ARHGAP12: variants seen among roughly 807,000 people sequenced by gnomAD.
ARHGAP12 encodes rho GTPase-activating protein 12.
A neutral mutation model predicts 108.6 loss-of-function variants in ARHGAP12; 64 were observed. The ratio of observed to expected loss-of-function variants is 0.59; its 90% CI spans 0.48 to 0.73. The LOEUF is 0.73. Ranked by LOEUF, ARHGAP12 falls within the 30% of genes least tolerant of loss-of-function variation. The pLI is 0.00. For synonymous variants in ARHGAP12, 312 were observed against 337.2 expected, an observed-to-expected ratio of 0.93 and a Z score of 0.82; for missense variants, 940 against 1,005.9, an observed-to-expected ratio of 0.93 and a Z score of 0.89.
chr10:31,834,614 A>G, intron 9 of ARHGAP12, among the ~76,000 whole-genome samples: 1 of 152,116 alleles, frequency 6.6e-6, no homozygotes, highest in Non-Finnish European at 1.5e-5. Context: ...TGTATTTTTT[A>G]TTACTTTTAT....
chr10:31,812,783 T>A lies in ARHGAP12; in HGVS notation c.1875A>T (p.Lys625Asn), dbSNP rs753254232. ...VSSIDSSEQKKTKKNLKKFLT... is the reference protein window; with the variant it reads ...VSSIDSSEQKNTKKNLKKFLT... Reference sequence around the variant, plus strand: ...GAAACTTCTTTAAGTTTTTCTTGGTTTTTTTCTGTTCTGAAGAATCTATGC... The same window carrying A: ...GAAACTTCTTTAAGTTTTTCTTGGTATTTTTCTGTTCTGAAGAATCTATGC... The change falls in exon 15 of 20, where the codon AAA (lysine) becomes AAT (asparagine). Residue 625 changes from lysine (K) to asparagine (N), a missense_variant. Transcript: ENST00000344936. The A allele has an allele frequency of 5.0e-6, 8 of 1,609,236 alleles. No individual in the cohort carries two copies. The South Asian group carries it at 8.8e-5, about 18-fold the overall frequency.
At chr10:31,830,357 T>A (rs1835788543) in intron 10 of ARHGAP12, among the ~76,000 whole-genome samples, 1 of 151,718 alleles carries the variant, frequency 6.6e-6, no homozygotes, top group Non-Finnish European at 1.5e-5. Context: ...AAATATAAAT[T>A]GAAAAAAGTA....
chr10:31,857,951 C>G (rs974674436), intron 4 of ARHGAP12, among the ~76,000 whole-genome samples: 1 of 152,148 alleles, frequency 6.6e-6, no homozygotes, highest in African/African-American at 2.4e-5. Context: ...TGCCTGTAAT[C>G]CCAGCACTTC....
chr10:31,918,822 T>C (rs1406646908), intron 1 of ARHGAP12, among the ~76,000 whole-genome samples: 1 of 152,234 alleles, frequency 6.6e-6, no homozygotes, highest in Non-Finnish European at 1.5e-5. Flanking sequence ...GAAAATGGTA[T>C]GGTAGTTCCT....
intron 3 of ARHGAP12, among the ~76,000 whole-genome samples, chr10:31,862,352 T>C (rs796911823): frequency 4.5e-4 from 69 of 152,346 alleles, no homozygotes; most frequent in African/African-American, 1.4e-3. Flanking sequence ...AACTCTGATT[T>C]ACATGTTTAA....
At position 31,810,759 on chromosome 10, in the gene ARHGAP12, T is replaced by G; in HGVS notation, c.1952-12A>C. On this transcript the variant is annotated splice_polypyrimidine_tract_variant and intron_variant, in intron 15 of 19. Coordinates refer to ENST00000344936, the MANE Select transcript of ARHGAP12 (RefSeq NM_018287.7). ...TCCAAATACCTGATCTGAAAAAGAT[T>G]TATTTTTAAAAAGTCAATCACCTTG... 6.3e-7 allele frequency: 1 copy of G among 1,594,104 alleles called. No homozygotes were observed. The highest frequency in any genetic ancestry group is 8.6e-7 in the Non-Finnish European group (1 of 1,167,202).
chr10:31,918,812 G>A (rs1839671246), intron 1 of ARHGAP12, among the ~76,000 whole-genome samples: 1 of 152,210 alleles, frequency 6.6e-6, no homozygotes. Context: ...AGCCACTAGG[G>A]AAAATGGTAT....
intron 4 of ARHGAP12, among the ~76,000 whole-genome samples, chr10:31,860,774 T>C (rs1837083317): frequency 6.6e-6 from 1 of 152,166 alleles, no homozygotes; most frequent in Admixed American, 6.6e-5. Flanking sequence ...ACATTTCTAT[T>C]TTTTTCTAAA....
chr10:31,848,310 G>A (rs746332494), intron 6 of ARHGAP12, among the ~76,000 whole-genome samples: 1 of 152,168 alleles, frequency 6.6e-6, no homozygotes, highest in Non-Finnish European at 1.5e-5. Flanking sequence ...CGGCTTTTAA[G>A]ATTGTCTCCT....
chr10:31,908,830 T>C lies in ARHGAP12; in HGVS notation c.26A>G (p.Lys9Arg), dbSNP rs1839242835. Reference protein sequence around the residue: MKMADRSGKIIPGQVYIEV... With the variant: MKMADRSGRIIPGQVYIEV... ...AATATACACTTGTCCTGGAATAATC[T>C]TCCCACTTCTGTCAGCCATTTTCAT... is the stretch of plus-strand genomic sequence containing the variant. Residue 9 changes from lysine to arginine, a missense_variant, in exon 3 of 20, where the codon AAG becomes AGG. Transcript: ENST00000344936. 6.3e-7 allele frequency: 1 copy of C among 1,596,840 alleles called. No homozygotes were observed. The highest frequency in any genetic ancestry group is 8.5e-7 in the Non-Finnish European group (1 of 1,175,702).
At chr10:31,863,525 A>G (rs965374949) in intron 3 of ARHGAP12, among the ~76,000 whole-genome samples, 15 of 152,196 alleles carry the variant, frequency 9.9e-5, no homozygotes, top group African/African-American at 3.6e-4. Flanking sequence ...TTAAATTTTT[A>G]AAGTTTTTCC....
intron 3 of ARHGAP12, among the ~76,000 whole-genome samples, chr10:31,868,830 G>A (rs898644000): frequency 3.9e-5 from 6 of 152,040 alleles, no homozygotes; most frequent in African/African-American, 1.4e-4. Context: ...TTGGAAGGCT[G>A]AGGTGAGAGG....
At chr10:31,859,885 C>T (rs1490863777) in intron 4 of ARHGAP12, among the ~76,000 whole-genome samples, 1 of 151,658 alleles carries the variant, frequency 6.6e-6, no homozygotes, top group African/African-American at 2.4e-5. Context: ...GTCTCCACCT[C>T]CCGGGTTCAA....
chr10:31,905,514 G>A (rs1237884234), intron 3 of ARHGAP12, among the ~76,000 whole-genome samples: 1 of 152,180 alleles, frequency 6.6e-6, no homozygotes, highest in Non-Finnish European at 1.5e-5. Context: ...AAATGAGCAA[G>A]TGCAGAAAAG....
intron 1 of ARHGAP12, among the ~76,000 whole-genome samples, chr10:31,921,553 C>G (rs764731211): frequency 4.0e-5 from 6 of 151,636 alleles, no homozygotes; most frequent in Non-Finnish European, 8.8e-5. Flanking sequence ...ATAATGAGGT[C>G]AGGAGTTCGA....
At chr10:31,890,563 A>C (rs1390873662) in intron 3 of ARHGAP12, among the ~76,000 whole-genome samples, 1 of 152,208 alleles carries the variant, frequency 6.6e-6, no homozygotes, top group African/African-American at 2.4e-5. Flanking sequence ...CTGGTGACAA[A>C]GCAGCATTTC....
chr10:31,834,953 C>T (rs1835958338), intron 9 of ARHGAP12, among the ~76,000 whole-genome samples: 1 of 152,124 alleles, frequency 6.6e-6, no homozygotes, highest in African/African-American at 2.4e-5. Flanking sequence ...GTAATCTCAG[C>T]ACTTTGGGAG....
intron 3 of ARHGAP12, among the ~76,000 whole-genome samples, chr10:31,904,916 C>T (rs1254893639): frequency 6.6e-6 from 1 of 151,942 alleles, no homozygotes; most frequent in Non-Finnish European, 1.5e-5. Context: ...GCATGTGCCA[C>T]CACACCCGGC....
chr10:31,810,732 G>C lies in ARHGAP12; in HGVS notation c.1967C>G (p.Ser656Cys). 6.2e-7 allele frequency: 1 copy of C among 1,608,368 alleles called. No homozygotes were observed. Among genetic ancestry groups the C allele is most frequent in the South Asian group, 1.1e-5 (1 of 90,258 alleles). ...KGYIKDQVFG[S>C]NLANLCQREN... ...TCTCTGACACAGATTAGCGAGATTG[G>C]ATCCAAATACCTGATCTGAAAAAGA... The change falls in exon 16 of 20, where the codon TCC becomes TGC. Residue 656 changes from serine (S) to cysteine (C), a missense_variant. Coordinates refer to ENST00000344936, the MANE Select transcript of ARHGAP12 (RefSeq NM_018287.7).
Sources: gnomAD v4.1 joint callset for allele counts (sites outside exome capture counted in the v4.1 genomes callset) on GRCh38, gnomAD v4.1.1 for gene constraint, MANE v1.5 for transcripts, NCBI Gene and HGNC (gene_info 2026-07-23, HGNC 2026-07-21) for gene names.